SMARCA2: variants seen among roughly 807,000 people sequenced by gnomAD.
SMARCA2 encodes the protein SWI/SNF-related matrix-associated actin-dependent regulator of chromatin subfamily A member 2.
A neutral mutation model predicts 199.8 loss-of-function variants in SMARCA2; 61 were observed. The ratio of observed to expected loss-of-function variants is 0.31; its 90% CI spans 0.25 to 0.38. The LOEUF (loss-of-function observed/expected upper bound fraction) is 0.38, where lower values mean the gene tolerates loss of function less well. Among genes scored for constraint, SMARCA2 ranks in the 10% least tolerant of loss-of-function variants. The pLI is 1.00. For synonymous variants in SMARCA2, 935 were observed against 732.0 expected, an observed-to-expected ratio of 1.28 and a Z score of -4.48; for missense variants, 1,344 against 2,012.2, an observed-to-expected ratio of 0.67 and a Z score of 6.35.
intron 24 of SMARCA2, among the ~76,000 whole-genome samples, chr9:2,114,989 A>G (rs1202052374): frequency 1.3e-5 from 2 of 152,288 alleles, no homozygotes; most frequent in Non-Finnish European, 2.9e-5. Context: ...TGATACATAC[A>G]TATAGTAGGA....
intron 28 of SMARCA2, among the ~76,000 whole-genome samples, chr9:2,167,328 T>C (rs1825981886): frequency 6.6e-6 from 1 of 152,252 alleles, no homozygotes; most frequent in Non-Finnish European, 1.5e-5. Flanking sequence ...TCCTGAAGAA[T>C]CTGGAAACAG....
chr9:2,177,890 T>A (rs535740164), intron 29 of SMARCA2, among the ~76,000 whole-genome samples: 1 of 152,324 alleles, frequency 6.6e-6, no homozygotes, highest in East Asian at 1.9e-4. Flanking sequence ...GCCTTCAGCA[T>A]GTCTCTAAGC....
At chr9:2,144,382 G>A (rs1586751000) in intron 27 of SMARCA2, among the ~76,000 whole-genome samples, 1 of 152,134 alleles carries the variant, frequency 6.6e-6, no homozygotes, top group African/African-American at 2.4e-5. Flanking sequence ...TTCGCTGGAT[G>A]GGGGTGGGAC....
intron 33 of SMARCA2, 195 bp from the exon 34 acceptor site, chr9:2,192,509 T>C: frequency 1.6e-6 from 1 of 619,326 alleles, no homozygotes; most frequent in Non-Finnish European, 2.9e-6. Flanking sequence ...TTGGGGTTTT[T>C]CAGTAAGAAA....
intron 9 of SMARCA2, among the ~76,000 whole-genome samples, chr9:2,061,698 A>C (rs549465887): frequency 6.6e-6 from 1 of 152,220 alleles, no homozygotes; most frequent in Non-Finnish European, 1.5e-5. Context: ...GTTCATGATA[A>C]ATTCTGTTTA....
At position 2,192,746 on chromosome 9, in the gene SMARCA2, T is replaced by C. The variant is rs1333672772; in HGVS notation, c.*7T>C. On this transcript the variant is annotated 3_prime_UTR_variant, in exon 34 of 34. Transcript: ENST00000349721. ...TGGGACGGATGATGAGTGATCAGTA[T>C]GGACCTTTTTCCTTGGTAGAACTGA... 1.6e-5 allele frequency: 25 copies of C among 1,603,426 alleles called. No homozygotes were observed. Among genetic ancestry groups the C allele is most frequent in the African/African-American group, 4.0e-5 (3 of 74,726 alleles).
intron 8 of SMARCA2, among the ~76,000 whole-genome samples, chr9:2,059,277 C>G (rs1293249433): frequency 6.6e-6 from 1 of 152,126 alleles, no homozygotes; most frequent in Non-Finnish European, 1.5e-5. Context: ...TAATTATGTT[C>G]CTGGAAAATT....
intron 27 of SMARCA2, among the ~76,000 whole-genome samples, chr9:2,133,775 C>T (rs7030191): frequency 0.33 from 49,696 of 151,908 alleles, 13,787 homozygotes; most frequent in African/African-American, 0.76. Flanking sequence ...GCAGGGTGGC[C>T]TCATCATCAT....
At chr9:2,036,269 G>A (rs1400522613) in intron 3 of SMARCA2, among the ~76,000 whole-genome samples, 1 of 151,990 alleles carries the variant, frequency 6.6e-6, no homozygotes, top group African/African-American at 2.4e-5. Context: ...ATTATTAATA[G>A]GAGAGAGGTT....
chr9:2,034,285 C>CAT lies in SMARCA2; in HGVS notation c.355+1205_355+1206dup, dbSNP rs1287820985. On this transcript the variant is annotated intron_variant, in intron 3 of 33. Transcript: ENST00000349721. Reference sequence around the variant, plus strand: ...AAAAAAACTATTTCAAAGTAAGGCACATTCCCAGGTACTGGGGGTTAGGAC... The same window carrying CAT: ...AAAAAAACTATTTCAAAGTAAGGCACATATTCCCAGGTACTGGGGGTTAGGAC... Among the ~76,000 whole-genome samples, 10 of 149,240 alleles carry CAT rather than the reference C, an allele frequency of 6.7e-5. No homozygotes were observed. The East Asian group carries it at 1.8e-3, about 26-fold the overall frequency.
At chr9:2,047,604 G>A (rs971603962) in intron 5 of SMARCA2, 120 bp downstream of exon 5, 3 of 1,158,962 alleles carry the variant, frequency 2.6e-6, no homozygotes, top group Non-Finnish European at 3.3e-6. Context: ...CCGTGCGGTC[G>A]GAAAACTTTC....
intron 5 of SMARCA2, among the ~76,000 whole-genome samples, chr9:2,048,476 A>G (rs1304977227): frequency 6.6e-6 from 1 of 152,178 alleles, no homozygotes; most frequent in Non-Finnish European, 1.5e-5. Flanking sequence ...AAAGACTTTA[A>G]TTTTAAGGAA....
intron 32 of SMARCA2, among the ~76,000 whole-genome samples, chr9:2,188,074 A>G (rs1827611887): frequency 6.6e-6 from 1 of 152,228 alleles, no homozygotes; most frequent in Non-Finnish European, 1.5e-5. Context: ...TTAAAAAATT[A>G]TTAGGTTTCT....
intron 1 of SMARCA2, among the ~76,000 whole-genome samples, chr9:2,026,739 T>A (rs888701466): frequency 9.8e-5 from 15 of 152,364 alleles, no homozygotes; most frequent in Middle Eastern, 3.4e-3. Flanking sequence ...TGTATTAGTG[T>A]GCTCATATAC....
Position 2,121,122 on chromosome 9 carries a change from A to G in SMARCA2, c.3762+1587A>G, listed in dbSNP as rs185342053. On this transcript the variant is annotated intron_variant, in intron 26 of 33. Coordinates refer to ENST00000349721, the MANE Select transcript of SMARCA2 (RefSeq NM_003070.5). ...GGACAAGCTGCTTGCCATTATACAA[A>G]TTAGATTAGGCCCAGAAATGGAGAA... 2.0e-5 allele frequency among the ~76,000 whole-genome samples: 3 copies of G among 152,326 alleles called. No individual in the cohort carries two copies. In the East Asian group the frequency reaches 5.8e-4, roughly 29 times the overall value.
intron 27 of SMARCA2, among the ~76,000 whole-genome samples, chr9:2,135,161 C>T (rs1356904280): frequency 1.3e-5 from 2 of 152,112 alleles, no homozygotes; most frequent in Admixed American, 6.6e-5. Flanking sequence ...TCCTGGATTA[C>T]GAAGACCTGA....
Position 2,170,307 on chromosome 9 carries a change from G to A in SMARCA2, c.4200-112G>A, listed in dbSNP as rs1467870031. 1.5e-6 allele frequency: 2 copies of A among 1,336,822 alleles called. No individual in the cohort carries two copies. The highest frequency in any genetic ancestry group is 1.0e-6 in the Non-Finnish European group (1 of 960,530). The allele number at this position is 1,336,822 out of a possible 1,614,324, so 82.8% of individuals were successfully genotyped here. On this transcript the variant is annotated intron_variant, in intron 28 of 33. Transcript: ENST00000349721. The surrounding 1 kb of genome is among the most constrained non-coding windows in gnomAD (Gnocchi z 4.7). Reference sequence around the variant, plus strand: ...CCCGTGTAATCTTCCTAACAAGGCAGGTTGGTGAGGAGACTGAGGCTTGGC... The same window carrying A: ...CCCGTGTAATCTTCCTAACAAGGCAAGTTGGTGAGGAGACTGAGGCTTGGC...
intron 27 of SMARCA2, among the ~76,000 whole-genome samples, chr9:2,152,924 G>A (rs1414348818): frequency 1.3e-5 from 2 of 152,020 alleles, no homozygotes; most frequent in African/African-American, 4.8e-5. Context: ...GGATCACAAA[G>A]TGGCCATACA....
intron 32 of SMARCA2, among the ~76,000 whole-genome samples, chr9:2,187,134 G>A (rs1211776218): frequency 6.6e-6 from 1 of 152,072 alleles, no homozygotes; most frequent in Admixed American, 6.5e-5. Flanking sequence ...TTTTGCCAGG[G>A]GAAGAGGGGT....
Sources: gnomAD v4.1 joint callset for allele counts (sites outside exome capture counted in the v4.1 genomes callset) on GRCh38, gnomAD v4.1.1 for gene constraint, Gnocchi (gnomAD v3.1) non-coding constraint, MANE v1.5 for transcripts, NCBI Gene and HGNC (gene_info 2026-07-23, HGNC 2026-07-21) for gene names.